The following BRMS1 variants were observed in gnomAD, a reference collection of about 807,000 sequenced individuals.
The protein encoded by BRMS1 is BRMS1 transcriptional repressor and anoikis regulator.
In BRMS1, 26 loss-of-function variants were observed where a neutral mutation model predicts 40.4. The ratio of observed to expected loss-of-function variants is 0.64; its 90% CI spans 0.47 to 0.89. The LOEUF (loss-of-function observed/expected upper bound fraction) is 0.89. Among genes scored for constraint, BRMS1 ranks in the 40% least tolerant of loss-of-function variants. The pLI, the probability that BRMS1 is intolerant of heterozygous loss-of-function variation, is 0.00. For missense variants in BRMS1, 289 were observed against 309.4 expected, an observed-to-expected ratio of 0.93 and a Z score of 0.49; for synonymous variants, 103 against 116.0, an observed-to-expected ratio of 0.89 and a Z score of 0.72.
chr11:66,345,072 C>T lies in BRMS1; in HGVS notation c.-108G>A, dbSNP rs1340333211. 3.3e-5 allele frequency: 5 copies of T among 152,372 alleles called. No homozygotes were observed. Among genetic ancestry groups the T allele is most frequent in the Admixed American group, 6.5e-5 (1 of 15,306 alleles). The allele number at this position is 152,372 out of a possible 1,614,324, so 9.4% of individuals were successfully genotyped here. On this transcript the variant is annotated 5_prime_UTR_variant, in exon 1 of 10. Coordinates refer to ENST00000359957, the MANE Select transcript of BRMS1 (RefSeq NM_015399.4). ...CCGCCGGACTCCCGTAGGCGCTGCG[C>T]GGCTCCCTTTTCTTCGGGAGGCAGA...
chr11:66,338,928 A>G (rs895152502), intron 7 of BRMS1, 143 bp from the exon 8 acceptor site: 5 of 761,116 alleles, frequency 6.6e-6, no homozygotes, highest in African/African-American at 1.8e-5. Flanking sequence ...TCCACCTCCT[A>G]CCTCTTAACC....
rs142065865 is a variant in BRMS1 at position 66,342,118 on chromosome 11, T to C, written c.117A>G (p.Thr39=). ...ESEEERSGSQ[T]ESEEESSEMD... ...CACCGGAGCTCTCCTCTTCTGACTCTGTCTGGCTGCCGCTCCGCTCCTCCT... is the reference window on the plus strand; with the variant it reads ...CACCGGAGCTCTCCTCTTCTGACTCCGTCTGGCTGCCGCTCCGCTCCTCCT... The change falls in exon 2 of 10, where the codon ACA becomes ACG. Residue 39 remains threonine (T), a synonymous_variant. Coordinates refer to ENST00000359957, the MANE Select transcript of BRMS1 (RefSeq NM_015399.4). 117 of 1,613,730 alleles carry C rather than the reference T, an allele frequency of 7.3e-5. No homozygotes were observed. In the African/African-American group the frequency reaches 1.3e-3, roughly 18 times the overall value.
chr11:66,342,051 G>C (rs766349352), intron 2 of BRMS1, 45 bp downstream of exon 2: 13 of 771,632 alleles, frequency 1.7e-5, no homozygotes, highest in Non-Finnish European at 2.4e-5. Flanking sequence ...GTGTGTGTAG[G>C]GGCTCTGTGT....
rs1027722053 is a variant in BRMS1, at chr11:66,341,248, C to A, written c.316G>T (p.Gly106Trp). The change falls in exon 4 of 10, where the codon GGG becomes TGG. Residue 106 changes from glycine to tryptophan, a missense_variant. Gly to Trp is a radical substitution (Grantham distance 184). Transcript: ENST00000359957. The surrounding 1 kb of genome is among the most constrained non-coding windows in gnomAD (Gnocchi z 4.9). ...ATCTTGAGGCTCCGCTGCAGCCCCC[C>A]AAGGGGCTCCGTGTATTCAGGGGCT... ...ERAPEYTEPL[G>W]GLQRSLKIRI... 6.2e-7 allele frequency: 1 copy of A among 1,613,454 alleles called. No individual in the cohort carries two copies. The highest frequency in any genetic ancestry group is 8.5e-7 in the Non-Finnish European group (1 of 1,179,654).
At chr11:66,343,349 A>ATGTG (rs773093658) in intron 1 of BRMS1, among the ~76,000 whole-genome samples, 1 of 152,190 alleles carries the variant, frequency 6.6e-6, no homozygotes, top group Non-Finnish European at 1.5e-5. Context: ...CTCATCTAAC[A>ATGTG]TGTATTGAAC....
intron 7 of BRMS1, 57 bp from the exon 8 acceptor site, chr11:66,338,842 C>G: frequency 1.1e-5 from 17 of 1,479,662 alleles, no homozygotes; most frequent in Non-Finnish European, 1.5e-5. Context: ...GGCAGGGCCA[C>G]CCACCTGACA....
In BRMS1 at chr11:66,341,205, C is replaced by G. The variant is rs374489370; in HGVS notation, c.358+1G>C. On this transcript the variant is annotated splice_donor_variant, in intron 4 of 9. Transcript: ENST00000359957. LOFTEE classifies it high-confidence loss of function. This position sits in a 1 kb window ranked among gnomAD's most constrained non-coding sequence, Gnocchi z 4.9. ...AAGAGGGTACAGAACCACCCACAGA[C>G]CTGCCACCTGAATGCGAATCTTGAG... The G allele has an allele frequency of 6.2e-7, 1 of 1,611,732 alleles. No homozygotes were observed. The highest frequency in any genetic ancestry group is 1.3e-5 in the African/African-American group (1 of 74,864).
At position 66,337,723 on chromosome 11, in the gene BRMS1, GC is replaced by G; in HGVS notation, c.*158del. 1.2e-6 allele frequency: 2 copies of G among 1,609,330 alleles called. No homozygotes were observed. Among genetic ancestry groups the G allele is most frequent in the Non-Finnish European group, 1.7e-6 (2 of 1,178,186 alleles). ...CGAGGAGGGCAGAGGAGGAGTCCAG[GC>G]CAGTGCCAGATGGAGTGGGAGGGCC... On this transcript the variant is annotated 3_prime_UTR_variant, in exon 10 of 10. Coordinates refer to ENST00000359957, the MANE Select transcript of BRMS1 (RefSeq NM_015399.4).
At position 66,338,411 on chromosome 11, in the gene BRMS1, C is replaced by A. The variant is rs1052047718; in HGVS notation, c.694-129G>T. ...GTGCCCCCAGGACCGGGAGCATAGG[C>A]CCCACCCAGGCAGAGCTCCCATGCT... On this transcript the variant is annotated intron_variant, in intron 8 of 9. Coordinates refer to ENST00000359957, the MANE Select transcript of BRMS1 (RefSeq NM_015399.4). 13 of 1,520,712 alleles carry A rather than the reference C, an allele frequency of 8.5e-6. No homozygotes were observed. The South Asian group carries it at 1.2e-4, about 15-fold the overall frequency. 94.2% of individuals were successfully genotyped at this position (1,520,712 alleles called of 1,614,324 possible).
Position 66,342,291 on chromosome 11 carries a change from G to C in BRMS1, c.-7-50C>G, listed in dbSNP as rs1397138627. On this transcript the variant is annotated intron_variant, in intron 1 of 9. Transcript: ENST00000359957. ...CTTATGGCTGCCCACAGCTCAGAGG[G>C]GGAAAGAGGCAGCAGGATGCTGAAC... 4 of 1,599,206 alleles carry C rather than the reference G, an allele frequency of 2.5e-6. No individual in the cohort carries two copies. The Admixed American group carries it at 5.0e-5, about 20-fold the overall frequency.
At position 66,341,750 on chromosome 11, in the gene BRMS1, G is replaced by C; in HGVS notation, c.140-127C>G. ...GTGTAGGGCCTGTGTGTGTGTGCGC[G>C]TACATGCTTGTGTGAAGGGGCTGTG... On this transcript the variant is annotated intron_variant, in intron 2 of 9. Coordinates refer to ENST00000359957, the MANE Select transcript of BRMS1 (RefSeq NM_015399.4). The surrounding 1 kb of genome is among the most constrained non-coding windows in gnomAD (Gnocchi z 4.9). The C allele has an allele frequency of 2.4e-6, 2 of 831,470 alleles. No individual in the cohort carries two copies. Among genetic ancestry groups the C allele is most frequent in the Non-Finnish European group, 4.1e-6 (2 of 489,056 alleles). The allele number at this position is 831,470 out of a possible 1,614,324, so 51.5% of individuals were successfully genotyped here.
In BRMS1 at chr11:66,337,653, C is replaced by A. The variant is rs1399751868; in HGVS notation, c.*229G>T. On this transcript the variant is annotated 3_prime_UTR_variant, in exon 10 of 10. Transcript: ENST00000359957. ...GGCGGCTCAGGGATGGAGACAGCAG[C>A]CTTGCCTGGTCAGGTCAGCTCCACG... is the stretch of plus-strand genomic sequence containing the variant. 6.5e-7 allele frequency: 1 copy of A among 1,536,382 alleles called. No homozygotes were observed.
chr11:66,340,032 C>A (rs1263157282), intron 7 of BRMS1, 89 bp downstream of exon 7: 19 of 1,036,278 alleles, frequency 1.8e-5, no homozygotes, highest in Non-Finnish European at 2.2e-5. Flanking sequence ...GTGTGACTGT[C>A]CTCCATGTCC....
In BRMS1 at chr11:66,337,444, A is replaced by G. The variant is rs1392740725; in HGVS notation, c.*438T>C. The stretch of plus-strand genomic sequence containing the variant: ...TGGCATCTTGCCTCCAGATCCAGCC[A>G]GGGTGGACAGACCCCCAGATAATCA... On this transcript the variant is annotated 3_prime_UTR_variant, in exon 10 of 10. Coordinates refer to ENST00000359957, the MANE Select transcript of BRMS1 (RefSeq NM_015399.4). The G allele has an allele frequency of 1.7e-5, 9 of 533,766 alleles. No homozygotes were observed. Among genetic ancestry groups the G allele is most frequent in the Non-Finnish European group, 3.0e-5 (9 of 298,006 alleles). The allele number at this position is 533,766 out of a possible 1,614,324, so 33.1% of individuals were successfully genotyped here.
chr11:66,340,258 A>G (rs900147337), intron 6 of BRMS1, 45 bp from the exon 7 acceptor site: 3 of 1,543,988 alleles, frequency 1.9e-6, no homozygotes, highest in Non-Finnish European at 2.7e-6. Flanking sequence ...GGCCCACAGG[A>G]TACTCCCTTT....
rs766376094 is a variant in BRMS1, at chr11:66,337,793, T to G, written c.*89A>C. 1 of 1,613,872 alleles carries G rather than the reference T, an allele frequency of 6.2e-7. No homozygotes were observed. Among genetic ancestry groups the G allele is most frequent in the East Asian group, 2.2e-5 (1 of 44,884 alleles). On this transcript the variant is annotated 3_prime_UTR_variant, in exon 10 of 10. Coordinates refer to ENST00000359957, the MANE Select transcript of BRMS1 (RefSeq NM_015399.4). ...CTGGCTGGGCAGACCCTGAGGGGCC[T>G]GTGGGTCCGCCTGTCTGCAGGAGGA... is the stretch of plus-strand genomic sequence containing the variant.
At chr11:66,343,863 A>AAG (rs5792389) in intron 1 of BRMS1, among the ~76,000 whole-genome samples, 147,835 of 152,220 alleles carry the variant, frequency 0.97, 71,936 homozygotes, top group East Asian at 1. Context: ...GTGGTGGAGA[A>AAG]AGAGTTTTAG....
intron 9 of BRMS1, 27 bp downstream of exon 9, chr11:66,338,216 A>G (rs1215170180): frequency 1.2e-6 from 2 of 1,608,540 alleles, no homozygotes; most frequent in African/African-American, 1.3e-5. Flanking sequence ...GGGGCAGGGA[A>G]GGCCATGCAA....
intron 1 of BRMS1, among the ~76,000 whole-genome samples, chr11:66,343,390 T>C (rs1855128302): frequency 6.6e-6 from 1 of 152,216 alleles, no homozygotes; most frequent in Non-Finnish European, 1.5e-5. Flanking sequence ...CGTCAGACGC[T>C]ATGGTATGCA....
Sources: allele counts gnomAD v4.1 joint callset (sites outside exome capture counted in the v4.1 genomes callset), GRCh38; gene constraint gnomAD v4.1.1; non-coding constraint Gnocchi (gnomAD v3.1); transcripts MANE v1.5; gene names NCBI Gene and HGNC (gene_info 2026-07-23, HGNC 2026-07-21).